The following VRTN variants were observed in gnomAD, a reference collection of about 807,000 sequenced individuals.
VRTN encodes the protein vertebrae development associated.
Under a neutral mutation model 18.2 loss-of-function variants are expected in VRTN, and 5 were observed. The observed-to-expected ratio is 0.27, with a 90% CI of 0.14 to 0.58. The LOEUF is 0.58. Ranked by LOEUF, VRTN falls within the 20% of genes least tolerant of loss-of-function variation. The pLI is 0.91. For synonymous variants in VRTN, 381 were observed against 393.7 expected, an observed-to-expected ratio of 0.97 and a Z score of 0.38; for missense variants, 741 against 939.4, an observed-to-expected ratio of 0.79 and a Z score of 2.76.
upstream of VRTN, among the ~76,000 whole-genome samples, chr14:74,344,738 A>AAAAAAAAAAAAATG (rs2085631983): frequency 1.3e-5 from 2 of 150,292 alleles, no homozygotes; most frequent in Non-Finnish European, 3.0e-5. Flanking sequence ...CTGACTAAAA[A>AAAAAAAAAAAAATG]AAAAAAAAAT....
intron 1 of VRTN, among the ~76,000 whole-genome samples, chr14:74,335,350 AG>A (rs750064052): frequency 3.9e-5 from 6 of 152,238 alleles, no homozygotes; most frequent in Non-Finnish European, 8.8e-5. Context: ...GGGGATCCAA[AG>A]CATGACACAG....
At chr14:74,344,747 A>G (rs2085632217), upstream of VRTN, among the ~76,000 whole-genome samples, 1 of 129,994 alleles carries the variant, frequency 7.7e-6, no homozygotes, top group African/African-American at 3.0e-5. Context: ...AAAAAAAAAA[A>G]TGAAAAAAAG....
chr14:74,347,249 A>G (rs2140209559), upstream of VRTN, among the ~76,000 whole-genome samples: 1 of 152,318 alleles, frequency 6.6e-6, no homozygotes, highest in Admixed American at 6.5e-5. Context: ...GCCACATTCT[A>G]GTAAGGGGCA....
chr14:74,358,987 C>T lies in VRTN; in HGVS notation c.*95C>T. The stretch of plus-strand genomic sequence containing the variant: ...CCAGGCTTGGCCAGGATGTCCTTTG[C>T]TCTGGGTCCCACAGTGTCTACCCTA... On this transcript the variant is annotated 3_prime_UTR_variant, in exon 2 of 2. Transcript: ENST00000256362. This position sits in a 1 kb window ranked among gnomAD's most constrained non-coding sequence, Gnocchi z 5.4. 1 of 1,480,150 alleles carries T rather than the reference C, an allele frequency of 6.8e-7. No individual in the cohort carries two copies. The allele number at this position is 1,480,150 out of a possible 1,614,324, so 91.7% of individuals were successfully genotyped here. A position where few individuals can be genotyped will look rare whatever the true frequency, so the allele number is the denominator to read the frequency against.
At chr14:74,320,111 C>A (rs1211951235) in intron 1 of VRTN, among the ~76,000 whole-genome samples, 1 of 152,084 alleles carries the variant, frequency 6.6e-6, no homozygotes, top group East Asian at 1.9e-4. Context: ...GGCATAGTGG[C>A]ATGCTCCTAT....
chr14:74,336,958 C>T (rs1477365760), intron 1 of VRTN, among the ~76,000 whole-genome samples: 4 of 152,134 alleles, frequency 2.6e-5, no homozygotes, highest in Non-Finnish European at 5.9e-5. Context: ...TGTAATTTTA[C>T]GTATTTTGAA....
intron 1 of VRTN, among the ~76,000 whole-genome samples, chr14:74,335,427 CTGAT>C (rs1314333422): frequency 6.6e-6 from 1 of 152,204 alleles, no homozygotes; most frequent in African/African-American, 2.4e-5. Flanking sequence ...ACATACCTCT[CTGAT>C]TGGCTAGTTT....
At chr14:74,334,103 G>A (rs1401618776) in intron 1 of VRTN, among the ~76,000 whole-genome samples, 2 of 152,144 alleles carry the variant, frequency 1.3e-5, no homozygotes, top group Non-Finnish European at 2.9e-5. Context: ...CAGAAGCTAC[G>A]CTCATTACTA....
At position 74,358,409 on chromosome 14, in the gene VRTN, G is replaced by A. The variant is rs2085752337; in HGVS notation, c.1626G>A (p.Trp542Ter). The A allele has an allele frequency of 6.2e-7, 1 of 1,614,046 alleles. No homozygotes were observed. Among genetic ancestry groups the A allele is most frequent in the Admixed American group, 1.7e-5 (1 of 60,016 alleles). ...CCAGCCTGTCACCTTCTGCCTTTTG[G>A]GTCTGGAAGAGTCTTGCTCGGGGTT... ...RYPSLSPSAFWVWKSLARGWP... is the reference protein window; with the variant it reads ...RYPSLSPSAF Residue 542 changes from tryptophan to a stop codon, truncating the protein, a stop_gained, in exon 2 of 2, where the codon TGG becomes TGA. Transcript: ENST00000256362. LOFTEE classifies it low-confidence loss of function (END_TRUNC). The surrounding 1 kb of genome is among the most constrained non-coding windows in gnomAD (Gnocchi z 5.4).
intron 1 of VRTN, among the ~76,000 whole-genome samples, chr14:74,312,658 C>T (rs537096371): frequency 6.6e-6 from 1 of 151,760 alleles, no homozygotes; most frequent in African/African-American, 2.4e-5. Flanking sequence ...ACCATGTTGC[C>T]CAGGCTGGTC....
At chr14:74,333,699 G>T (rs2085544094) in intron 1 of VRTN, among the ~76,000 whole-genome samples, 1 of 151,388 alleles carries the variant, frequency 6.6e-6, no homozygotes, top group South Asian at 2.1e-4. Context: ...AATTAGCCAG[G>T]CATGGTGGCG....
chr14:74,357,159 T>A lies in VRTN; in HGVS notation c.376T>A (p.Ser126Thr). Reference sequence around the variant, plus strand: ...CTACTACCTCCAGGGCATGATCGACTCCAAAGTGATGCTGCAGGCCGTGCG... The same window carrying A: ...CTACTACCTCCAGGGCATGATCGACACCAAAGTGATGCTGCAGGCCGTGCG... ...RHYYLQGMID[S>T]KVMLQAVRYS... The change falls in exon 2 of 2, where the codon TCC (serine) becomes ACC (threonine). Residue 126 changes from serine to threonine, a missense_variant. Ser to Thr is a moderately conservative substitution (Grantham distance 58, BLOSUM62 1). This residue lies in a region of VRTN where 186 missense variants were observed against 288.3 expected (regional missense o/e 0.65). Coordinates refer to ENST00000256362, the MANE Select transcript of VRTN (RefSeq NM_018228.3). This position sits in a 1 kb window ranked among gnomAD's most constrained non-coding sequence, Gnocchi z 7.8. The A allele has an allele frequency of 6.3e-7, 1 of 1,599,006 alleles. No homozygotes were observed. Among genetic ancestry groups the A allele is most frequent in the Non-Finnish European group, 8.5e-7 (1 of 1,173,098 alleles).
At chr14:74,352,379 A>G (rs1044537770) in intron 1 of VRTN, among the ~76,000 whole-genome samples, 1 of 151,248 alleles carries the variant, frequency 6.6e-6, no homozygotes, top group Non-Finnish European at 1.5e-5. Context: ...GGGTTTCACC[A>G]TCTTGGCCAG....
intron 1 of VRTN, among the ~76,000 whole-genome samples, chr14:74,313,479 A>G (rs1004893623): frequency 1.3e-5 from 2 of 152,232 alleles, no homozygotes; most frequent in Admixed American, 6.6e-5. Context: ...TGGGCTGACC[A>G]GGTCAAAATG....
At chr14:74,326,888 C>T (rs921406161) in intron 1 of VRTN, among the ~76,000 whole-genome samples, 5 of 152,136 alleles carry the variant, frequency 3.3e-5, no homozygotes, top group African/African-American at 1.2e-4. Flanking sequence ...GATAGGGCAG[C>T]GGGATATGGG....
At chr14:74,333,846 A>T (rs2085545596) in intron 1 of VRTN, among the ~76,000 whole-genome samples, 1 of 146,986 alleles carries the variant, frequency 6.8e-6, no homozygotes, top group South Asian at 2.1e-4. Context: ...TCTCAAAAAA[A>T]AATAAATAAA....
intron 1 of VRTN, among the ~76,000 whole-genome samples, chr14:74,304,610 T>C (rs1170548416): frequency 2.0e-5 from 3 of 152,172 alleles, no homozygotes; most frequent in Non-Finnish European, 2.9e-5. Context: ...CTCTACGCAC[T>C]AGATGCCGGT....
intron 1 of VRTN, among the ~76,000 whole-genome samples, chr14:74,355,001 G>A (rs910432380): frequency 2.8e-4 from 43 of 151,876 alleles, no homozygotes; most frequent in African/African-American, 9.7e-4. Flanking sequence ...AATTAGCTGG[G>A]CATGGTGGCA....
intron 1 of VRTN, among the ~76,000 whole-genome samples, chr14:74,317,970 TTAG>T (rs2085428416): frequency 6.6e-6 from 1 of 152,080 alleles, no homozygotes; most frequent in Non-Finnish European, 1.5e-5. Flanking sequence ...TTTTTTTAAA[TTAG>T]TTGAGCATGG....
Sources: allele counts gnomAD v4.1 joint callset (sites outside exome capture counted in the v4.1 genomes callset), GRCh38; gene constraint gnomAD v4.1.1; regional missense constraint gnomAD v4.1.1; non-coding constraint Gnocchi (gnomAD v3.1); transcripts MANE v1.5; gene names NCBI Gene and HGNC (gene_info 2026-07-23, HGNC 2026-07-21).